DLGAP2: variants seen among roughly 807,000 people sequenced by gnomAD.
DLGAP2 encodes disks large-associated protein 2.
DLGAP2 carries 26 observed loss-of-function variants against 100.3 expected under a neutral mutation model. That is an observed-to-expected ratio of 0.26 (90% CI 0.19 to 0.36). DLGAP2 has a LOEUF of 0.36. DLGAP2 is among the 10% of genes least tolerant of loss of function. The pLI is 1.00. For synonymous variants in DLGAP2, 886 were observed against 630.1 expected (o/e 1.41, Z -6.08); for missense variants, 1,858 against 1,453.2 (o/e 1.28, Z -4.53).
intron 3 of DLGAP2, among the ~76,000 whole-genome samples, chr8:1,284,948 A>G (rs561984897): frequency 3.3e-5 from 5 of 152,290 alleles, no homozygotes; most frequent in Admixed American, 2.6e-4. Context: ...CCATCTTTGC[A>G]CCAGATTCTT....
intron 1 of DLGAP2, among the ~76,000 whole-genome samples, chr8:782,015 A>G (rs940720641): frequency 1.3e-5 from 2 of 152,218 alleles, no homozygotes; most frequent in South Asian, 2.1e-4. Context: ...ATCAACCAGC[A>G]GGATGACTAC....
At chr8:1,027,626 C>T (rs561986535) in intron 2 of DLGAP2, among the ~76,000 whole-genome samples, 34 of 116,778 alleles carry the variant, frequency 2.9e-4, no homozygotes, top group South Asian at 2.1e-3. Context: ...GGGTGTCAGG[C>T]GCCCGTTATT....
chr8:864,982 A>G (rs1797467284), intron 1 of DLGAP2, among the ~76,000 whole-genome samples: 2 of 152,224 alleles, frequency 1.3e-5, no homozygotes, highest in African/African-American at 4.8e-5. Flanking sequence ...TAGGAATCTC[A>G]GATATAAACT....
chr8:1,001,899 G>C (rs1305359773), intron 2 of DLGAP2, among the ~76,000 whole-genome samples: 2 of 152,162 alleles, frequency 1.3e-5, no homozygotes, highest in South Asian at 4.1e-4. Flanking sequence ...AAAGGGCTTG[G>C]TTTGAAAAGT....
intron 3 of DLGAP2, among the ~76,000 whole-genome samples, chr8:1,264,660 G>C (rs1799416879): frequency 1.3e-5 from 2 of 152,100 alleles, no homozygotes; most frequent in African/African-American, 4.8e-5. Flanking sequence ...TGACAACATA[G>C]GGGTCAAAGG....
intron 2 of DLGAP2, among the ~76,000 whole-genome samples, chr8:1,178,130 A>G (rs1170863958): frequency 6.6e-6 from 1 of 152,210 alleles, no homozygotes; most frequent in Non-Finnish European, 1.5e-5. Context: ...AAGGCCTTGG[A>G]GAGAACTAGG....
intron 3 of DLGAP2, among the ~76,000 whole-genome samples, chr8:1,481,019 A>G (rs1799077556): frequency 6.6e-6 from 1 of 151,666 alleles, no homozygotes; most frequent in East Asian, 1.9e-4. Context: ...AAAAATACAA[A>G]AAATTAGCTG....
At chr8:806,588 T>C (rs971087130) in intron 1 of DLGAP2, among the ~76,000 whole-genome samples, 2 of 152,120 alleles carry the variant, frequency 1.3e-5, no homozygotes, top group African/African-American at 4.8e-5. Context: ...CCCGAACAGG[T>C]GTACCCGGAA....
chr8:971,063 C>G (rs113925120), intron 2 of DLGAP2, among the ~76,000 whole-genome samples: 2,682 of 152,184 alleles, frequency 0.018, 79 homozygotes, highest in African/African-American at 0.062. Flanking sequence ...AACTTGAAAA[C>G]CTGGGAGTAT....
At chr8:1,612,884 AG>A (rs1389775135) in intron 6 of DLGAP2, among the ~76,000 whole-genome samples, 1 of 112,700 alleles carries the variant, frequency 8.9e-6, no homozygotes, top group African/African-American at 3.4e-5. Flanking sequence ...TTAAAAAGTC[AG>A]GAAACAACAG....
chr8:1,682,966 C>T (rs1798996776), intron 12 of DLGAP2, among the ~76,000 whole-genome samples: 2 of 151,400 alleles, frequency 1.3e-5, no homozygotes, highest in African/African-American at 4.8e-5. Flanking sequence ...CCATCAGGAT[C>T]CTCCTCTGGA....
chr8:964,093 C>G (rs995144674), intron 2 of DLGAP2, among the ~76,000 whole-genome samples: 1 of 152,172 alleles, frequency 6.6e-6, no homozygotes, highest in Non-Finnish European at 1.5e-5. Context: ...AAAACAAATT[C>G]AAGTCTTATG....
chr8:1,105,679 T>A (rs542152594), intron 2 of DLGAP2, among the ~76,000 whole-genome samples: 5 of 148,312 alleles, frequency 3.4e-5, no homozygotes, highest in Non-Finnish European at 6.0e-5. Context: ...AGGGGGCCAT[T>A]CTAGGATGGT....
At chr8:1,164,994 G>T (rs1295951942) in intron 2 of DLGAP2, among the ~76,000 whole-genome samples, 1 of 152,102 alleles carries the variant, frequency 6.6e-6, no homozygotes, top group East Asian at 1.9e-4. Context: ...CTGGGAGTTG[G>T]AGACTGTTAT....
rs989521210 is a variant in DLGAP2, at chr8:1,191,423, G to A, written c.74-67428G>A. On this transcript the variant is annotated intron_variant, in intron 2 of 14. Transcript: ENST00000637795. ...CTGACCTTGTGATCTGCCCGCCTCAGCCTCCCAAAGTGCGGGGATTATAGG... is the reference window on the plus strand; with the variant it reads ...CTGACCTTGTGATCTGCCCGCCTCAACCTCCCAAAGTGCGGGGATTATAGG... 3.9e-5 allele frequency among the ~76,000 whole-genome samples: 6 copies of A among 152,172 alleles called. No individual in the cohort carries two copies. In the South Asian group the frequency reaches 1.2e-3, roughly 32 times the overall value.
chr8:1,175,693 G>A (rs1644814557), intron 2 of DLGAP2, among the ~76,000 whole-genome samples: 1 of 152,218 alleles, frequency 6.6e-6, no homozygotes. Flanking sequence ...TTAGGGGTTA[G>A]ATATCAGCAC....
intron 2 of DLGAP2, among the ~76,000 whole-genome samples, chr8:1,203,823 A>G (rs1389675162): frequency 6.6e-6 from 1 of 152,112 alleles, no homozygotes; most frequent in Non-Finnish European, 1.5e-5. Flanking sequence ...TGGTGAGTGG[A>G]TGGTGCAGCA....
At chr8:812,140 C>G (rs1796383491) in intron 1 of DLGAP2, among the ~76,000 whole-genome samples, 1 of 152,210 alleles carries the variant, frequency 6.6e-6, no homozygotes, top group Non-Finnish European at 1.5e-5. Context: ...GAGGAAGTGG[C>G]TTGCACAATT....
chr8:1,322,667 C>A (rs1171993744), intron 3 of DLGAP2, among the ~76,000 whole-genome samples: 1 of 152,222 alleles, frequency 6.6e-6, no homozygotes, highest in East Asian at 1.9e-4. Flanking sequence ...ATGCACCCAC[C>A]CATCGTGCTG....
Sources: allele counts gnomAD v4.1 joint callset (sites outside exome capture counted in the v4.1 genomes callset), GRCh38; gene constraint gnomAD v4.1.1; transcripts MANE v1.5; gene names NCBI Gene and HGNC (gene_info 2026-07-23, HGNC 2026-07-21).